CALM2: variants seen among roughly 807,000 people sequenced by gnomAD.
CALM2 encodes calmodulin-2.
In CALM2, 2 loss-of-function variants were observed where a neutral mutation model predicts 19.8. The ratio of observed to expected loss-of-function variants is 0.10; its 90% CI spans 0.04 to 0.32. The LOEUF is 0.32. Ranked by LOEUF, CALM2 falls within the 10% of genes least tolerant of loss-of-function variation. The pLI is 1.00. For synonymous variants in CALM2, 51 were observed against 52.1 expected (o/e 0.98, Z 0.09); for missense variants, 38 against 178.7 (o/e 0.21, Z 4.49).
At chr2:47,176,211 A>C in intron 1 of CALM2, 2 of 535,976 alleles carry the variant, frequency 3.7e-6, no homozygotes, top group Non-Finnish European at 3.3e-6. Context: ...CACCTCGGGA[A>C]CTGTGCGTCC....
chr2:47,165,140 G>C (rs1478802788), intron 2 of CALM2, among the ~76,000 whole-genome samples: 1 of 152,162 alleles, frequency 6.6e-6, no homozygotes, highest in African/African-American at 2.4e-5. Flanking sequence ...ACCTGAAAAT[G>C]CTGAGTTTAC....
chr2:47,168,215 C>T (rs886440924), intron 2 of CALM2, among the ~76,000 whole-genome samples: 2 of 151,972 alleles, frequency 1.3e-5, no homozygotes, highest in Admixed American at 6.6e-5. Flanking sequence ...GTTCCTCTGC[C>T]CTAAATCTTA....
rs934911708 is a variant in CALM2 at position 47,176,444 on chromosome 2, G to A, written c.-1C>T. The A allele has an allele frequency of 1.2e-6, 2 of 1,613,454 alleles. No individual in the cohort carries two copies. Among genetic ancestry groups the A allele is most frequent in the African/African-American group, 1.3e-5 (1 of 74,992 alleles). On this transcript the variant is annotated 5_prime_UTR_variant, in exon 1 of 6. Coordinates refer to ENST00000272298, the MANE Select transcript of CALM2 (RefSeq NM_001743.6). The stretch of plus-strand genomic sequence containing the variant: ...GGCAGCTCAGCGATGCACTCACCAT[G>A]CTGCAAGCGCTACCGGTTTCCGAGA...
In CALM2 at chr2:47,173,123, T is replaced by C. The variant is rs1176740851; in HGVS notation, c.4-2359A>G. 5 of 152,300 alleles carry C rather than the reference T, an allele frequency of 3.3e-5. No homozygotes were observed. The East Asian group carries it at 9.6e-4, about 29-fold the overall frequency. The allele number at this position is 152,300 out of a possible 1,614,324, so 9.4% of individuals were successfully genotyped here. On this transcript the variant is annotated intron_variant, in intron 1 of 5. Coordinates refer to ENST00000272298, the MANE Select transcript of CALM2 (RefSeq NM_001743.6). The stretch of plus-strand genomic sequence containing the variant: ...GCTTTTTGTATTACTTATCCAGAGT[T>C]CAGGTTTTAGAATAAACTTTTACCA...
intron 2 of CALM2, among the ~76,000 whole-genome samples, chr2:47,164,233 G>A (rs1289554270): frequency 9.2e-5 from 10 of 108,406 alleles, no homozygotes; most frequent in East Asian, 8.2e-4. Flanking sequence ...GCGAGACTCC[G>A]TCTCAAAAAA....
chr2:47,175,788 G>T (rs1026346195), intron 1 of CALM2, among the ~76,000 whole-genome samples: 2 of 145,286 alleles, frequency 1.4e-5, no homozygotes, highest in Non-Finnish European at 3.1e-5. Context: ...CGAGCGGGGC[G>T]GCGGCTCCGG....
intron 2 of CALM2, among the ~76,000 whole-genome samples, chr2:47,166,803 T>TAA (rs922363025): frequency 6.6e-6 from 1 of 152,126 alleles, no homozygotes; most frequent in African/African-American, 2.4e-5. Flanking sequence ...AGTCAAAACC[T>TAA]AAACACACAA....
intron 1 of CALM2, among the ~76,000 whole-genome samples, chr2:47,175,311 G>A (rs1351158751): frequency 6.6e-6 from 1 of 152,006 alleles, no homozygotes; most frequent in African/African-American, 2.4e-5. Flanking sequence ...ATGTGGTCGT[G>A]GTTCTTGAAC....
In CALM2 at chr2:47,160,561, A is replaced by G. The variant is rs1210376537; in HGVS notation, c.*215T>C. The G allele has an allele frequency of 1.4e-5, 6 of 439,438 alleles. No individual in the cohort carries two copies. Among genetic ancestry groups the G allele is most frequent in the Non-Finnish European group, 2.1e-5 (5 of 242,254 alleles). 27.2% of individuals were successfully genotyped at this position (439,438 alleles called of 1,614,324 possible). A position where few individuals can be genotyped will look rare whatever the true frequency, so the allele number is the denominator to read the frequency against. ...GGCTTAGATATATCCAGAGTAAGCCACATGCAACATGTTACTTGATCAATT... is the reference window on the plus strand; with the variant it reads ...GGCTTAGATATATCCAGAGTAAGCCGCATGCAACATGTTACTTGATCAATT... On this transcript the variant is annotated 3_prime_UTR_variant, in exon 6 of 6. Transcript: ENST00000272298.
Position 47,176,428 on chromosome 2 carries a change from G to T in CALM2, c.3+13C>A, listed in dbSNP as rs755994751. ...CCACAGGCCCAGCGCCGGCAGCTCA[G>T]CGATGCACTCACCATGCTGCAAGCG... On this transcript the variant is annotated intron_variant, in intron 1 of 5. Transcript: ENST00000272298. The T allele has an allele frequency of 1.2e-6, 2 of 1,613,060 alleles. No homozygotes were observed. Among genetic ancestry groups the T allele is most frequent in the East Asian group, 2.2e-5 (1 of 44,880 alleles).
At chr2:47,162,812 C>T (rs1487909185) in intron 2 of CALM2, 150 bp from the exon 3 acceptor site, 1 of 587,910 alleles carries the variant, frequency 1.7e-6, no homozygotes, top group African/African-American at 1.9e-5. Context: ...TGTAAGACCC[C>T]ACGTCTCAGA....
chr2:47,161,631 G>GGA (rs1687159196), intron 5 of CALM2, 92 bp downstream of exon 5: 2 of 1,200,762 alleles, frequency 1.7e-6, no homozygotes, highest in Non-Finnish European at 1.2e-6. Context: ...AATTTCAGGG[G>GGA]AAGGGTCACT....
intron 1 of CALM2, among the ~76,000 whole-genome samples, chr2:47,174,358 T>A (rs545083021): frequency 6.6e-6 from 1 of 152,086 alleles, no homozygotes; most frequent in Non-Finnish European, 1.5e-5. Flanking sequence ...CCCAAGATGA[T>A]CCTCCTGCCT....
At chr2:47,162,001 A>G in intron 4 of CALM2, 143 bp from the exon 5 acceptor site, 1 of 715,184 alleles carries the variant, frequency 1.4e-6, no homozygotes, top group Non-Finnish European at 2.3e-6. Flanking sequence ...GTTGACCTAC[A>G]AATGTCATTA....
At chr2:47,162,035 T>A (rs552074188) in intron 4 of CALM2, among the ~76,000 whole-genome samples, 177 bp from the exon 5 acceptor site, 2 of 152,166 alleles carry the variant, frequency 1.3e-5, no homozygotes, top group African/African-American at 4.8e-5. Context: ...ATGTCCTACA[T>A]TGAAATCATT....
At chr2:47,175,088 T>TTTTTTTG (rs1553433893) in intron 1 of CALM2, among the ~76,000 whole-genome samples, 7 of 132,426 alleles carry the variant, frequency 5.3e-5, no homozygotes, top group South Asian at 2.3e-4. Context: ...GGTGTTTTTT[T>TTTTTTTG]TTTTTTTTTT....
chr2:47,170,894 G>A, intron 1 of CALM2, 130 bp from the exon 2 acceptor site: 3 of 754,986 alleles, frequency 4.0e-6, no homozygotes, highest in Admixed American at 3.7e-5. Flanking sequence ...AACACATCTG[G>A]ATAGAAAATG....
At chr2:47,176,791 T>C (rs1163350250), upstream of CALM2, 7 of 985,330 alleles carry the variant, frequency 7.1e-6, no homozygotes, top group African/African-American at 1.0e-4. Context: ...AGGAGCATCG[T>C]GGCGGCGATG....
At chr2:47,161,572 C>T (rs1687155739) in intron 5 of CALM2, 151 bp downstream of exon 5, 2 of 629,208 alleles carry the variant, frequency 3.2e-6, no homozygotes, top group South Asian at 4.6e-5. Flanking sequence ...CTGCAGACAA[C>T]ACTCTGAATT....
Sources: allele counts gnomAD v4.1 joint callset (sites outside exome capture counted in the v4.1 genomes callset), GRCh38; gene constraint gnomAD v4.1.1; transcripts MANE v1.5; gene names NCBI Gene and HGNC (gene_info 2026-07-23, HGNC 2026-07-21).